AK7: variants seen among roughly 807,000 people sequenced by gnomAD.
AK7 encodes adenylate kinase 7, also known as ATP-AMP transphosphorylase 7.
AK7 carries 78 observed loss-of-function variants against 96.6 expected under a neutral mutation model. That is an observed-to-expected ratio of 0.81 (90% CI 0.67 to 0.97). The LOEUF (loss-of-function observed/expected upper bound fraction) is 0.97. Ranked by LOEUF, AK7 falls within the 50% of genes least tolerant of loss-of-function variation. The pLI is 0.00. For missense variants in AK7, 855 were observed against 887.9 expected, an observed-to-expected ratio of 0.96 and a Z score of 0.47; for synonymous variants, 302 against 317.2, an observed-to-expected ratio of 0.95 and a Z score of 0.51.
At chr14:96,461,536 A>G (rs1894248280) in intron 12 of AK7, among the ~76,000 whole-genome samples, 1 of 152,168 alleles carries the variant, frequency 6.6e-6, no homozygotes, top group African/African-American at 2.4e-5. Context: ...AGGAGAGACA[A>G]GAATGTCTAA....
chr14:96,475,740 G>C (rs1042781347), intron 14 of AK7, among the ~76,000 whole-genome samples: 1 of 152,152 alleles, frequency 6.6e-6, no homozygotes, highest in African/African-American at 2.4e-5. Context: ...GGGAGGCTAA[G>C]GCAGGAGGAT....
intron 1 of AK7, among the ~76,000 whole-genome samples, chr14:96,397,839 A>C (rs1890166212): frequency 6.6e-6 from 1 of 152,238 alleles, no homozygotes; most frequent in Non-Finnish European, 1.5e-5. Context: ...ATCCGGAAAC[A>C]AGTTAATTAA....
intron 10 of AK7, among the ~76,000 whole-genome samples, chr14:96,454,930 C>A (rs1281614889): frequency 6.6e-6 from 1 of 151,520 alleles, no homozygotes; most frequent in African/African-American, 2.4e-5. Flanking sequence ...TTTGGGAGGT[C>A]GAGGCGGGTG....
In AK7 at chr14:96,479,145, C is replaced by T. The variant is rs113803406; in HGVS notation, c.1753+483C>T. Among the ~76,000 whole-genome samples, 68 of 151,578 alleles carry T rather than the reference C, an allele frequency of 4.5e-4. 2 individuals are homozygous for T. Among genetic ancestry groups the T allele is most frequent in the African/African-American group, 1.4e-3 (59 of 41,296 alleles). ...AGGCTGGAGTGCAGTGGCACCATCT[C>T]GGCTCACTGCAAACTCCGCCTCCCG... On this transcript the variant is annotated intron_variant, in intron 15 of 17. Coordinates refer to ENST00000267584, the MANE Select transcript of AK7 (RefSeq NM_152327.5).
At chr14:96,412,657 C>A (rs141051615) in intron 4 of AK7, among the ~76,000 whole-genome samples, 2,432 of 151,906 alleles carry the variant, frequency 0.016, 68 homozygotes, top group African/African-American at 0.056. Context: ...CCTCCACCTC[C>A]CAGGTTCAAG....
Position 96,478,680 on chromosome 14 carries a change from G to A in AK7, c.1753+18G>A. The A allele has an allele frequency of 6.2e-6, 10 of 1,611,588 alleles. No individual in the cohort carries two copies. The highest frequency in any genetic ancestry group is 8.5e-6 in the Non-Finnish European group (10 of 1,178,458). ...ACATATTGGTATGAAATGAATTCAA[G>A]GATAATGTGAATGTCCAGGACCCCC... On this transcript the variant is annotated intron_variant, in intron 15 of 17. Coordinates refer to ENST00000267584, the MANE Select transcript of AK7 (RefSeq NM_152327.5).
chr14:96,436,003 G>C (rs922352089), intron 5 of AK7, among the ~76,000 whole-genome samples: 2 of 152,032 alleles, frequency 1.3e-5, no homozygotes, highest in African/African-American at 2.4e-5. Context: ...CCTGATTTTT[G>C]GTTCTTATGA....
intron 16 of AK7, among the ~76,000 whole-genome samples, chr14:96,485,864 C>T (rs1365107629): frequency 6.7e-6 from 1 of 148,296 alleles, no homozygotes; most frequent in Non-Finnish European, 1.5e-5. Flanking sequence ...GTTACGATCT[C>T]GGCTCACTGC....
chr14:96,426,475 T>C (rs986818221), intron 5 of AK7, among the ~76,000 whole-genome samples: 2 of 152,236 alleles, frequency 1.3e-5, no homozygotes, highest in Non-Finnish European at 2.9e-5. Context: ...GTTCTAATAT[T>C]TTGTTTTTCT....
intron 2 of AK7, among the ~76,000 whole-genome samples, chr14:96,403,114 T>TAAATAAA (rs1890511468): frequency 2.1e-5 from 3 of 140,274 alleles, no homozygotes; most frequent in Admixed American, 7.2e-5. Flanking sequence ...AGACTCTGTC[T>TAAATAAA]TAAATAAATA....
At chr14:96,435,926 T>C (rs1288936789) in intron 5 of AK7, among the ~76,000 whole-genome samples, 1 of 152,236 alleles carries the variant, frequency 6.6e-6, no homozygotes, top group Non-Finnish European at 1.5e-5. Flanking sequence ...GATTCCAAAC[T>C]GTTTTTTCTG....
rs1037521301 is a variant in AK7, at chr14:96,399,986, A to T, written c.294+1723A>T. On this transcript the variant is annotated intron_variant, in intron 2 of 17. Coordinates refer to ENST00000267584, the MANE Select transcript of AK7 (RefSeq NM_152327.5). The surrounding 1 kb of genome is among the most constrained non-coding windows in gnomAD (Gnocchi z 4.1). Reference sequence around the variant, plus strand: ...TTGTCCTGCAGGCATTGCTGAATCAACATATCCAAAATCATATTTATTAGA... The same window carrying T: ...TTGTCCTGCAGGCATTGCTGAATCATCATATCCAAAATCATATTTATTAGA... Among the ~76,000 whole-genome samples the T allele has an allele frequency of 6.6e-5, 10 of 151,336 alleles. No homozygotes were observed. Among genetic ancestry groups the T allele is most frequent in the Non-Finnish European group, 1.0e-4 (7 of 67,954 alleles).
At chr14:96,461,150 C>A (rs1894228583) in intron 12 of AK7, among the ~76,000 whole-genome samples, 2 of 152,090 alleles carry the variant, frequency 1.3e-5, no homozygotes, top group South Asian at 4.1e-4. Context: ...TTGGGGAGCA[C>A]TATGTTGGTT....
chr14:96,464,965 C>T (rs938943084), intron 12 of AK7, among the ~76,000 whole-genome samples: 2 of 152,162 alleles, frequency 1.3e-5, no homozygotes, highest in Admixed American at 6.5e-5. Context: ...TCTCCAGACC[C>T]ACTAAGGATG....
intron 10 of AK7, among the ~76,000 whole-genome samples, chr14:96,455,220 C>T (rs968806285): frequency 3.9e-5 from 6 of 152,088 alleles, no homozygotes; most frequent in African/African-American, 7.2e-5. Flanking sequence ...TGCAGTGGCT[C>T]ACACCTGTTA....
At chr14:96,401,981 G>T (rs974057567) in intron 2 of AK7, among the ~76,000 whole-genome samples, 18 of 152,200 alleles carry the variant, frequency 1.2e-4, no homozygotes, top group Non-Finnish European at 2.6e-4. Context: ...GGCTAAGGGC[G>T]TGAGTAGGGG....
chr14:96,409,027 G>T, intron 4 of AK7, 86 bp downstream of exon 4: 1 of 1,351,348 alleles, frequency 7.4e-7, no homozygotes, highest in Non-Finnish European at 1.0e-6. Flanking sequence ...CCTATGGCGA[G>T]TTGTGTATTC....
At chr14:96,466,403 A>AT (rs1233464482) in intron 12 of AK7, among the ~76,000 whole-genome samples, 2 of 151,638 alleles carry the variant, frequency 1.3e-5, no homozygotes, top group Non-Finnish European at 1.5e-5. Flanking sequence ...CGCCCGGCTA[A>AT]TTTTTTTGTA....
At chr14:96,466,667 C>T (rs770198950) in intron 12 of AK7, among the ~76,000 whole-genome samples, 5 of 152,252 alleles carry the variant, frequency 3.3e-5, no homozygotes, top group Middle Eastern at 3.4e-3. Flanking sequence ...GCACCTGGCC[C>T]GTTCCTGGAG....
Sources: gnomAD v4.1 joint callset for allele counts (sites outside exome capture counted in the v4.1 genomes callset) on GRCh38, gnomAD v4.1.1 for gene constraint, Gnocchi (gnomAD v3.1) non-coding constraint, MANE v1.5 for transcripts, NCBI Gene and HGNC (gene_info 2026-07-23, HGNC 2026-07-21) for gene names.